NEGR1: variants seen among roughly 807,000 people sequenced by gnomAD.
NEGR1 encodes IgLON family member 4.
Under a neutral mutation model 40.9 loss-of-function variants are expected in NEGR1, and 10 were observed. That is an observed-to-expected ratio of 0.24 (90% CI 0.15 to 0.42). The LOEUF is 0.42. NEGR1 is among the 10% of genes least tolerant of loss of function. The probability of loss-of-function intolerance (pLI) is 1.00; values close to 1 mark genes in which losing one functional copy is unlikely to be tolerated. For missense variants in NEGR1, 352 were observed against 438.9 expected (o/e 0.80, Z 1.77); for synonymous variants, 185 against 166.8 (o/e 1.11, Z -0.84).
At chr1:71,745,963 A>G (rs1655367413) in intron 3 of NEGR1, among the ~76,000 whole-genome samples, 1 of 152,198 alleles carries the variant, frequency 6.6e-6, no homozygotes. Flanking sequence ...AATGCTCTAA[A>G]GAGAGGCCAA....
intron 1 of NEGR1, among the ~76,000 whole-genome samples, chr1:72,156,678 G>C (rs1321255408): frequency 1.3e-5 from 2 of 152,056 alleles, no homozygotes; most frequent in Admixed American, 6.6e-5. Context: ...TGATGGTCCT[G>C]CTTTCATTTC....
intron 1 of NEGR1, among the ~76,000 whole-genome samples, chr1:72,117,422 C>A (rs982288033): frequency 1.3e-5 from 2 of 151,804 alleles, no homozygotes; most frequent in East Asian, 1.9e-4. Context: ...TTTGAGAATA[C>A]AGCTATAAGG....
intron 3 of NEGR1, among the ~76,000 whole-genome samples, chr1:71,765,901 C>T (rs771007557): frequency 4.0e-5 from 6 of 151,832 alleles, no homozygotes; most frequent in East Asian, 1.9e-4. Flanking sequence ...CCTGGCCAGG[C>T]GCGGTGGCTC....
At chr1:71,597,963 A>AT (rs1570086786) in intron 5 of NEGR1, among the ~76,000 whole-genome samples, 1 of 152,178 alleles carries the variant, frequency 6.6e-6, no homozygotes, top group East Asian at 1.9e-4. Context: ...TCGTGTTACG[A>AT]GTGTGAAAAA....
intron 1 of NEGR1, among the ~76,000 whole-genome samples, chr1:72,027,013 C>A (rs1646816648): frequency 6.6e-6 from 1 of 152,104 alleles, no homozygotes. Flanking sequence ...GCAAGCTCCA[C>A]CTGCCAGATT....
intron 6 of NEGR1, among the ~76,000 whole-genome samples, chr1:71,540,087 G>A (rs1407323349): frequency 1.3e-5 from 2 of 151,586 alleles, no homozygotes; most frequent in Non-Finnish European, 2.9e-5. Flanking sequence ...GGGTTTTAGT[G>A]AATATTTCAT....
intron 1 of NEGR1, among the ~76,000 whole-genome samples, chr1:72,020,380 A>C (rs2100419003): frequency 6.6e-6 from 1 of 152,344 alleles, no homozygotes; most frequent in East Asian, 1.9e-4. Context: ...CCATAACGTC[A>C]GGATTCTAAA....
chr1:72,086,996 G>C (rs932448288), intron 1 of NEGR1, among the ~76,000 whole-genome samples: 5 of 152,040 alleles, frequency 3.3e-5, no homozygotes, highest in Admixed American at 1.3e-4. Context: ...ATTTGAGTTA[G>C]AGTTATTTCA....
chr1:71,583,531 A>G (rs1162498132), intron 6 of NEGR1, among the ~76,000 whole-genome samples: 2 of 152,228 alleles, frequency 1.3e-5, no homozygotes, highest in Admixed American at 6.5e-5. Flanking sequence ...ATGTGCATCT[A>G]TCACTTATGC....
intron 1 of NEGR1, among the ~76,000 whole-genome samples, chr1:72,174,284 T>C (rs1008245372): frequency 3.3e-5 from 5 of 152,126 alleles, no homozygotes; most frequent in Non-Finnish European, 7.4e-5. Context: ...ACTATCAATA[T>C]TCCCCACCAG....
At chr1:72,224,585 A>G (rs1204410940) in intron 1 of NEGR1, among the ~76,000 whole-genome samples, 2 of 152,114 alleles carry the variant, frequency 1.3e-5, no homozygotes, top group Non-Finnish European at 2.9e-5. Context: ...TGCATGTCGG[A>G]ATGCATGGCC....
chr1:71,815,493 A>G (rs1658170488), intron 2 of NEGR1, among the ~76,000 whole-genome samples: 1 of 151,920 alleles, frequency 6.6e-6, no homozygotes, highest in Non-Finnish European at 1.5e-5. Flanking sequence ...TCTGTTTAAT[A>G]TTGGCAATAG....
At chr1:71,986,226 G>A (rs991133020) in intron 1 of NEGR1, among the ~76,000 whole-genome samples, 1 of 152,056 alleles carries the variant, frequency 6.6e-6, no homozygotes, top group Non-Finnish European at 1.5e-5. Context: ...CTAAATCCAG[G>A]ATATTTATCA....
chr1:71,615,873 G>A (rs1256872523), intron 4 of NEGR1, among the ~76,000 whole-genome samples: 2 of 152,154 alleles, frequency 1.3e-5, no homozygotes, highest in Non-Finnish European at 1.5e-5. Context: ...GTAATCCTTA[G>A]GATAATGAGA....
At chr1:71,710,280 A>G (rs1654035432) in intron 3 of NEGR1, among the ~76,000 whole-genome samples, 1 of 152,140 alleles carries the variant, frequency 6.6e-6, no homozygotes, top group Non-Finnish European at 1.5e-5. Context: ...ACTGTTGGAA[A>G]TGTAAATTAG....
intron 4 of NEGR1, among the ~76,000 whole-genome samples, chr1:71,687,151 A>G (rs1653067146): frequency 1.3e-5 from 2 of 152,214 alleles, no homozygotes; most frequent in African/African-American, 4.8e-5. Flanking sequence ...TTAAAAATGT[A>G]TATGTTTTAT....
At chr1:72,252,646 T>C (rs1381771359) in intron 1 of NEGR1, among the ~76,000 whole-genome samples, 1 of 152,102 alleles carries the variant, frequency 6.6e-6, no homozygotes, top group Non-Finnish European at 1.5e-5. Flanking sequence ...TGAGGAATAT[T>C]TGTATGCGCA....
rs528574100 is a variant in NEGR1 at position 72,238,802 on chromosome 1, A to C, written c.176+43517T>G. ...AGTTCAGAAAGATACTTGGTTTCCC[A>C]AAACTACAGAAAATGCAAAGAAGGC... On this transcript the variant is annotated intron_variant, in intron 1 of 6. Coordinates refer to ENST00000357731, the MANE Select transcript of NEGR1 (RefSeq NM_173808.3). Among the ~76,000 whole-genome samples, 45 of 152,030 alleles carry C rather than the reference A, an allele frequency of 3.0e-4. No homozygotes were observed. The South Asian group carries it at 9.3e-3, about 31-fold the overall frequency.
At chr1:72,198,915 A>G (rs766525265) in intron 1 of NEGR1, among the ~76,000 whole-genome samples, 10 of 151,972 alleles carry the variant, frequency 6.6e-5, no homozygotes, top group Non-Finnish European at 1.0e-4. Context: ...ATTTTGTTCT[A>G]TGTTTAAGTT....
Sources: gnomAD v4.1 joint callset for allele counts (sites outside exome capture counted in the v4.1 genomes callset) on GRCh38, gnomAD v4.1.1 for gene constraint, MANE v1.5 for transcripts, NCBI Gene and HGNC (gene_info 2026-07-23, HGNC 2026-07-21) for gene names.